Variants in NOS2 observed in about 807,000 individuals in gnomAD.
NOS2 encodes the protein nitric oxide synthase, inducible.
In NOS2, 96 loss-of-function variants were observed where a neutral mutation model predicts 136.0. That is an observed-to-expected ratio of 0.71 (90% confidence interval 0.60 to 0.84). The LOEUF is 0.84. Among genes scored for constraint, NOS2 ranks in the 40% least tolerant of loss-of-function variants. The probability of loss-of-function intolerance (pLI) is 0.00; values close to 1 mark genes in which losing one functional copy is unlikely to be tolerated. For synonymous variants in NOS2, 539 were observed against 587.5 expected (o/e 0.92, Z 1.20); for missense variants, 1,237 against 1,496.9 (o/e 0.83, Z 2.87).
intron 18 of NOS2, among the ~76,000 whole-genome samples, 197 bp from the exon 19 acceptor site, chr17:27,766,785 G>A (rs1335876208): frequency 2.0e-5 from 3 of 152,100 alleles, no homozygotes; most frequent in Non-Finnish European, 4.4e-5. Flanking sequence ...GGTGGCTCAT[G>A]CCTGTAATCC....
intron 15 of NOS2, among the ~76,000 whole-genome samples, chr17:27,770,614 G>A (rs556878130): frequency 6.6e-6 from 1 of 152,306 alleles, no homozygotes; most frequent in African/African-American, 2.4e-5. Flanking sequence ...TGTTTTCATT[G>A]AATTTATGTT....
intron 2 of NOS2, chr17:27,793,824 C>T (rs1909270393): frequency 1.6e-5 from 6 of 371,750 alleles, no homozygotes; most frequent in Non-Finnish European, 2.4e-5. Flanking sequence ...TCTTCACCCA[C>T]GCGATGTCCC....
intron 2 of NOS2, among the ~76,000 whole-genome samples, chr17:27,797,754 C>T (rs1417389417): frequency 6.6e-6 from 1 of 152,200 alleles, no homozygotes; most frequent in Non-Finnish European, 1.5e-5. Flanking sequence ...AAGCCTGTCC[C>T]TTGACTTGTT....
chr17:27,785,285 A>G (rs1178800834), intron 5 of NOS2, among the ~76,000 whole-genome samples: 3 of 152,118 alleles, frequency 2.0e-5, no homozygotes, highest in Non-Finnish European at 4.4e-5. Context: ...TAAATAAATA[A>G]CATAAGTACT....
At chr17:27,798,589 C>G in intron 2 of NOS2, 111 bp downstream of exon 2, 1 of 715,242 alleles carries the variant, frequency 1.4e-6, no homozygotes, top group South Asian at 1.6e-5. Context: ...ATGAGGAGAT[C>G]AGACCTCAGG....
At chr17:27,777,613 A>G (rs1908700362) in intron 11 of NOS2, among the ~76,000 whole-genome samples, 1 of 152,224 alleles carries the variant, frequency 6.6e-6, no homozygotes, top group Non-Finnish European at 1.5e-5. Context: ...TGTGGCCCTC[A>G]TCATTCATTC....
chr17:27,759,342 A>G (rs1908035779), intron 25 of NOS2, among the ~76,000 whole-genome samples: 1 of 152,186 alleles, frequency 6.6e-6, no homozygotes, highest in Non-Finnish European at 1.5e-5. Context: ...CTGTCTCTGA[A>G]TTTGCCATGC....
At chr17:27,777,084 C>A (rs2314810) in intron 11 of NOS2, among the ~76,000 whole-genome samples, 9 of 152,288 alleles carry the variant, frequency 5.9e-5, no homozygotes, top group South Asian at 2.1e-4. Flanking sequence ...AGCCCTTCCC[C>A]AAACACCGGG....
chr17:27,787,198 G>A lies in NOS2; in HGVS notation c.467+480C>T, dbSNP rs542458982. On this transcript the variant is annotated intron_variant, in intron 5 of 26. Coordinates refer to ENST00000313735, the MANE Select transcript of NOS2 (RefSeq NM_000625.4). ...TTCACACCTGTAGGAGTAGGGGCCT[G>A]ACTAGGTGGTCTCAGAGATCCTTTC... Among the ~76,000 whole-genome samples the A allele has an allele frequency of 2.0e-5, 3 of 152,208 alleles. No homozygotes were observed. The South Asian group carries it at 6.2e-4, about 32-fold the overall frequency.
chr17:27,763,337 T>C (rs1908197331), intron 21 of NOS2, among the ~76,000 whole-genome samples: 1 of 152,218 alleles, frequency 6.6e-6, no homozygotes, highest in Non-Finnish European at 1.5e-5. Flanking sequence ...TCACTAGCTG[T>C]GGAATCTTGT....
chr17:27,773,302 G>A (rs531326305), intron 12 of NOS2, 59 bp from the exon 13 acceptor site: 105 of 1,184,014 alleles, frequency 8.9e-5, no homozygotes, highest in African/African-American at 1.5e-4. Flanking sequence ...CTCAGCTCGC[G>A]GATGCTGGAG....
intron 2 of NOS2, among the ~76,000 whole-genome samples, chr17:27,791,804 AAAAT>A: frequency 6.6e-6 from 1 of 151,266 alleles, no homozygotes; most frequent in Non-Finnish European, 1.5e-5. Flanking sequence ...AAACAAAACA[AAAAT>A]ATATATATAT....
At chr17:27,797,788 T>C (rs1337787481) in intron 2 of NOS2, among the ~76,000 whole-genome samples, 2 of 152,204 alleles carry the variant, frequency 1.3e-5, no homozygotes, top group Admixed American at 6.5e-5. Context: ...ATTCTCTTGG[T>C]TCTGCCCTGG....
intron 11 of NOS2, among the ~76,000 whole-genome samples, chr17:27,778,150 A>G (rs1908718163): frequency 6.6e-6 from 1 of 152,158 alleles, no homozygotes; most frequent in African/African-American, 2.4e-5. Context: ...ACAGAGAGAC[A>G]GGTTGGCAGT....
At chr17:27,792,998 G>A (rs1375994440) in intron 2 of NOS2, among the ~76,000 whole-genome samples, 1 of 151,976 alleles carries the variant, frequency 6.6e-6, no homozygotes, top group Non-Finnish European at 1.5e-5. Context: ...AAGGGGTCGG[G>A]GGCGTGGGGA....
chr17:27,787,659 T>G lies in NOS2; in HGVS notation c.467+19A>C. The G allele has an allele frequency of 6.2e-7, 1 of 1,602,654 alleles. No individual in the cohort carries two copies. The highest frequency in any genetic ancestry group is 8.5e-7 in the Non-Finnish European group (1 of 1,173,528). The stretch of plus-strand genomic sequence containing the variant: ...GAGGAAGGGCAGGAGGCAGCGACCC[T>G]GCAGGAGGCAAGCCTTACTCTTTGA... On this transcript the variant is annotated intron_variant, in intron 5 of 26. Coordinates refer to ENST00000313735, the MANE Select transcript of NOS2 (RefSeq NM_000625.4).
intron 4 of NOS2, 120 bp downstream of exon 4, chr17:27,788,689 C>G: frequency 1.6e-6 from 2 of 1,252,196 alleles, no homozygotes; most frequent in Non-Finnish European, 2.2e-6. Flanking sequence ...GTTCCTAGAC[C>G]CCTTTGCCCA....
At chr17:27,773,833 C>T (rs891911703) in intron 12 of NOS2, among the ~76,000 whole-genome samples, 1 of 152,180 alleles carries the variant, frequency 6.6e-6, no homozygotes, top group Non-Finnish European at 1.5e-5. Context: ...AACCCCCCGT[C>T]GTGGAGTGAA....
chr17:27,781,893 T>C, intron 7 of NOS2, 122 bp downstream of exon 7: 1 of 812,986 alleles, frequency 1.2e-6, no homozygotes, highest in Non-Finnish European at 2.0e-6. Context: ...TTTCTCTTTT[T>C]TCTTTCTCCC....
Sources: gnomAD v4.1 joint callset for allele counts (sites outside exome capture counted in the v4.1 genomes callset) on GRCh38, gnomAD v4.1.1 for gene constraint, MANE v1.5 for transcripts, NCBI Gene and HGNC (gene_info 2026-07-23, HGNC 2026-07-21) for gene names.